The following LRRC3B variants were observed in gnomAD, a reference collection of about 807,000 sequenced individuals.
LRRC3B encodes the protein leucine-rich repeat-containing protein 3B.
In LRRC3B, 2 loss-of-function variants were observed where a neutral mutation model predicts 12.8. The observed-to-expected ratio is 0.16, with a 90% CI of 0.06 to 0.49. The LOEUF is 0.49. LRRC3B is among the 20% of genes least tolerant of loss of function. The pLI, the probability that LRRC3B is intolerant of heterozygous loss-of-function variation, is 0.96. For synonymous variants in LRRC3B, 132 were observed against 122.0 expected (o/e 1.08, Z -0.54); for missense variants, 189 against 319.4 (o/e 0.59, Z 3.11).
intron 1 of LRRC3B, among the ~76,000 whole-genome samples, chr3:26,702,095 G>T (rs1338220758): frequency 6.6e-6 from 1 of 152,142 alleles, no homozygotes; most frequent in Non-Finnish European, 1.5e-5. Context: ...TGGGCAATGT[G>T]AGAATGTAAA....
At chr3:26,642,815 G>A (rs1390127510) in intron 1 of LRRC3B, among the ~76,000 whole-genome samples, 5 of 152,048 alleles carry the variant, frequency 3.3e-5, no homozygotes, top group African/African-American at 1.2e-4. Context: ...TCAGGAGATC[G>A]AGGCCATCCT....
chr3:26,656,888 G>A (rs1196366706), intron 1 of LRRC3B, among the ~76,000 whole-genome samples: 1 of 152,160 alleles, frequency 6.6e-6, no homozygotes, highest in Non-Finnish European at 1.5e-5. Context: ...CTTAGCATGG[G>A]ACAATAGACA....
intron 1 of LRRC3B, among the ~76,000 whole-genome samples, chr3:26,647,186 A>G (rs1276675598): frequency 3.9e-5 from 6 of 152,026 alleles, no homozygotes; most frequent in Admixed American, 3.9e-4. Context: ...CTCAGCTCAA[A>G]TGTCACCCCT....
intron 1 of LRRC3B, among the ~76,000 whole-genome samples, chr3:26,634,156 TGA>T (rs1698816416): frequency 6.6e-6 from 1 of 152,218 alleles, no homozygotes; most frequent in African/African-American, 2.4e-5. Flanking sequence ...TGACCACAGG[TGA>T]GAGTTTCTTC....
intron 1 of LRRC3B, among the ~76,000 whole-genome samples, chr3:26,662,566 A>G (rs1699514477): frequency 6.6e-6 from 1 of 152,140 alleles, no homozygotes; most frequent in South Asian, 2.1e-4. Context: ...TGATAGATAG[A>G]TAGATAGACA....
At chr3:26,629,640 CTTT>C (rs1698710594) in intron 1 of LRRC3B, among the ~76,000 whole-genome samples, 1 of 152,186 alleles carries the variant, frequency 6.6e-6, no homozygotes, top group African/African-American at 2.4e-5. Context: ...AAGTGGAATA[CTTT>C]TCACCCTTTC....
chr3:26,702,676 G>C (rs1417891198), intron 1 of LRRC3B, among the ~76,000 whole-genome samples: 1 of 152,158 alleles, frequency 6.6e-6, no homozygotes, highest in East Asian at 1.9e-4. Flanking sequence ...ATGTGGTTAA[G>C]AGTGTTACTT....
intron 1 of LRRC3B, among the ~76,000 whole-genome samples, chr3:26,629,629 T>G (rs1698710235): frequency 6.6e-6 from 1 of 152,230 alleles, no homozygotes; most frequent in Admixed American, 6.5e-5. Context: ...CAGGGATTAT[T>G]AAGTGGAATA....
intron 1 of LRRC3B, among the ~76,000 whole-genome samples, chr3:26,676,250 C>G (rs189385358): frequency 0.016 from 2,140 of 132,486 alleles, 69 homozygotes; most frequent in East Asian, 0.14. Context: ...CACCCCACAA[C>G]AGGCCCTGGT....
intron 1 of LRRC3B, among the ~76,000 whole-genome samples, chr3:26,689,582 A>T (rs1384626254): frequency 1.3e-5 from 2 of 152,178 alleles, no homozygotes; most frequent in African/African-American, 2.4e-5. Context: ...TGATTGTGCA[A>T]GGAGGAGCCG....
At chr3:26,628,328 AT>A (rs1015512354) in intron 1 of LRRC3B, among the ~76,000 whole-genome samples, 4 of 152,160 alleles carry the variant, frequency 2.6e-5, no homozygotes, top group Non-Finnish European at 4.4e-5. Flanking sequence ...TTGAAAAAAA[AT>A]AATCAAGATT....
At chr3:26,701,860 C>A (rs1453758156) in intron 1 of LRRC3B, among the ~76,000 whole-genome samples, 3 of 151,878 alleles carry the variant, frequency 2.0e-5, no homozygotes, top group Non-Finnish European at 4.4e-5. Flanking sequence ...GTAACTTAAC[C>A]CCTTAATTCC....
chr3:26,660,731 A>G (rs1377069241), intron 1 of LRRC3B, among the ~76,000 whole-genome samples: 1 of 152,160 alleles, frequency 6.6e-6, no homozygotes, highest in Admixed American at 6.5e-5. Flanking sequence ...AAAAATCAAG[A>G]CACTATAGAA....
chr3:26,665,790 A>C (rs1345740307), intron 1 of LRRC3B, among the ~76,000 whole-genome samples: 1 of 152,174 alleles, frequency 6.6e-6, no homozygotes, highest in African/African-American at 2.4e-5. Context: ...CACTGTATTC[A>C]TCTTGGTTCT....
chr3:26,671,373 T>TATAGAGAGAGAGAGAGAGAGAG (rs1261897533), intron 1 of LRRC3B, among the ~76,000 whole-genome samples: 25 of 28,248 alleles, frequency 8.9e-4, no homozygotes, highest in East Asian at 7.6e-3. Context: ...TATATATATA[T>TATAGAGAGAGAGAGAGAGAGAG]AGAGAGAGAG....
intron 1 of LRRC3B, among the ~76,000 whole-genome samples, chr3:26,654,922 GAGTCATT>G (rs1330931347): frequency 1.3e-5 from 2 of 152,114 alleles, no homozygotes; most frequent in Non-Finnish European, 2.9e-5. Flanking sequence ...TTCCTAACTT[GAGTCATT>G]GCCTTATCAT....
At chr3:26,693,030 G>A (rs113019214) in intron 1 of LRRC3B, among the ~76,000 whole-genome samples, 4,075 of 152,270 alleles carry the variant, frequency 0.027, 76 homozygotes, top group Non-Finnish European at 0.043. Flanking sequence ...GGCTGGGCAG[G>A]GTTCTAAGAT....
chr3:26,677,170 T>A (rs913956141), intron 1 of LRRC3B, among the ~76,000 whole-genome samples: 1 of 151,992 alleles, frequency 6.6e-6, no homozygotes, highest in Non-Finnish European at 1.5e-5. Context: ...TCAAAGAAAA[T>A]CATGTGCATG....
rs1559350436 is a variant in LRRC3B, at chr3:26,636,968, T to TCTCTC, written c.-161+13731_-161+13732insCTCTC. On this transcript the variant is annotated intron_variant, in intron 1 of 1. Coordinates refer to ENST00000396641, the Ensembl canonical transcript of LRRC3B. ...TTTCTTTCTTTCTTTCTTTCTTTCTTTCTTTCTCTCTCTCTCTTTCTCTCT... is the reference window on the plus strand; with the variant it reads ...TTTCTTTCTTTCTTTCTTTCTTTCTTCTCTCTCTTTCTCTCTCTCTCTTTCTCTCT... 1.9e-3 allele frequency among the ~76,000 whole-genome samples: 126 copies of TCTCTC among 66,242 alleles called. 1 individual carries two copies. The highest frequency in any genetic ancestry group is 3.3e-3 in the Non-Finnish European group (105 of 32,020). 43.5% of individuals were successfully genotyped at this position (66,242 alleles called of 152,430 possible).
Sources: gnomAD v4.1 joint callset for allele counts (sites outside exome capture counted in the v4.1 genomes callset) on GRCh38, gnomAD v4.1.1 for gene constraint, MANE v1.5 for transcripts, NCBI Gene and HGNC (gene_info 2026-07-23, HGNC 2026-07-21) for gene names.